ALPL: variants seen among roughly 807,000 people sequenced by gnomAD.
ALPL encodes the protein alkaline phosphatase, biomineralization associated.
ALPL carries 42 observed loss-of-function variants against 51.3 expected under a neutral mutation model. The ratio of observed to expected loss-of-function variants is 0.82; its 90% CI spans 0.64 to 1.06. The LOEUF (loss-of-function observed/expected upper bound fraction) is 1.06, where lower values mean the gene tolerates loss of function less well. Among genes scored for constraint, ALPL ranks in the 50% least tolerant of loss-of-function variants. ALPL has a pLI of 0.00. For synonymous variants in ALPL, 279 were observed against 296.4 expected, an observed-to-expected ratio of 0.94 and a Z score of 0.60; for missense variants, 589 against 709.4, an observed-to-expected ratio of 0.83 and a Z score of 1.93.
chr1:21,530,954 ATTTTTTTT>A (rs34079543), intron 1 of ALPL, among the ~76,000 whole-genome samples: 3 of 103,988 alleles, frequency 2.9e-5, no homozygotes, highest in Non-Finnish European at 3.7e-5. Flanking sequence ...ATCATTTTTG[ATTTTTTTT>A]TTTTTTTTTT....
chr1:21,568,110 A>G lies in ALPL; in HGVS notation c.655A>G (p.Met219Val), dbSNP rs772432010. 4 of 1,614,034 alleles carry G rather than the reference A, an allele frequency of 2.5e-6. No individual in the cohort carries two copies. In the East Asian group the frequency reaches 8.9e-5, roughly 36 times the overall value. ...MHNIRDIDVI[M>V]GGGRKYMYPK... The stretch of plus-strand genomic sequence containing the variant: ...TGGCTCCTGTCTCTTTTAGGTGATC[A>G]TGGGGGGTGGCCGGAAATACATGTA... Residue 219 changes from methionine (M) to valine (V), a missense_variant, in exon 7 of 12, where the codon ATG becomes GTG. Transcript: ENST00000374840.
At position 21,561,230 on chromosome 1, in the gene ALPL, G is replaced by T; in HGVS notation, c.297+18G>T. On this transcript the variant is annotated intron_variant, in intron 4 of 11. Coordinates refer to ENST00000374840, the MANE Select transcript of ALPL (RefSeq NM_000478.6). ...TCTCCAAGGTGAGCCCCATCCCCAAGCCCAGTTCAGGTCTGTATATCCAGT... is the reference window on the plus strand; with the variant it reads ...TCTCCAAGGTGAGCCCCATCCCCAATCCCAGTTCAGGTCTGTATATCCAGT... 6.3e-7 allele frequency: 1 copy of T among 1,582,848 alleles called. No homozygotes were observed. Among genetic ancestry groups the T allele is most frequent in the Non-Finnish European group, 8.6e-7 (1 of 1,161,138 alleles).
At chr1:21,511,682 G>A (rs555980886) in intron 1 of ALPL, among the ~76,000 whole-genome samples, 7 of 152,286 alleles carry the variant, frequency 4.6e-5, no homozygotes, top group South Asian at 2.1e-4. Flanking sequence ...GGCTGGGAGC[G>A]CAGAGCTCCA....
intron 1 of ALPL, among the ~76,000 whole-genome samples, chr1:21,546,385 C>G (rs1644253728): frequency 2.0e-5 from 3 of 152,110 alleles, no homozygotes; most frequent in South Asian, 4.1e-4. Flanking sequence ...TACCAGGAGA[C>G]AGGAAGTGTG....
chr1:21,538,385 C>T (rs534665441), intron 1 of ALPL, among the ~76,000 whole-genome samples: 1 of 152,334 alleles, frequency 6.6e-6, no homozygotes, highest in African/African-American at 2.4e-5. Flanking sequence ...CTGGAGCGTC[C>T]TCTGGGAATG....
chr1:21,534,075 C>T (rs550471455), intron 1 of ALPL, among the ~76,000 whole-genome samples: 52 of 152,120 alleles, frequency 3.4e-4, no homozygotes, highest in African/African-American at 1.2e-3. Context: ...GCCTAGACCT[C>T]CTGGGCTGAA....
intron 1 of ALPL, among the ~76,000 whole-genome samples, chr1:21,551,754 G>T (rs1467117523): frequency 2.5e-4 from 26 of 102,582 alleles, no homozygotes; most frequent in African/African-American, 8.0e-4. Context: ...TTGAGACAGA[G>T]TCTCGCTGTC....
At chr1:21,515,474 C>T (rs1176637857) in intron 1 of ALPL, among the ~76,000 whole-genome samples, 2 of 151,702 alleles carry the variant, frequency 1.3e-5, no homozygotes, top group African/African-American at 4.8e-5. Context: ...CTACAACCTC[C>T]GCCTCCCGGG....
intron 4 of ALPL, 122 bp from the exon 5 acceptor site, chr1:21,562,988 T>C (rs1644505589): frequency 1.5e-6 from 2 of 1,358,114 alleles, no homozygotes; most frequent in Non-Finnish European, 1.0e-6. Flanking sequence ...GTGGGCCTGG[T>C]CAAGGCTATG....
In ALPL at chr1:21,563,117, A is replaced by C. The variant is rs1005250117; in HGVS notation, c.305A>C (p.Asn102Thr). ...CTCCTCTCCCACCTGCAGACGTACA[A>C]CACCAATGCCCAGGTCCCTGACAGT... ...FPFVALSKTY[N>T]TNAQVPDSAG... is the part of the protein sequence containing the mutation. The change falls in exon 5 of 12, where the codon AAC becomes ACC. Residue 102 changes from asparagine (N) to threonine (T), a missense_variant. Coordinates refer to ENST00000374840, the MANE Select transcript of ALPL (RefSeq NM_000478.6). The C allele has an allele frequency of 1.2e-6, 2 of 1,613,602 alleles. No individual in the cohort carries two copies. The highest frequency in any genetic ancestry group is 2.2e-5 in the East Asian group (1 of 44,876).
intron 2 of ALPL, among the ~76,000 whole-genome samples, chr1:21,557,823 C>T (rs1282736817): frequency 1.3e-5 from 2 of 152,050 alleles, no homozygotes; most frequent in African/African-American, 4.8e-5. Context: ...ATATTTATAC[C>T]CATGTAACCG....
chr1:21,563,897 C>A, intron 5 of ALPL, 144 bp from the exon 6 acceptor site: 1 of 1,047,332 alleles, frequency 9.5e-7, no homozygotes. Flanking sequence ...ACACCTGCTG[C>A]TGTGGATGGG....
In ALPL at chr1:21,553,986, C is replaced by T. The variant is rs1001556010; in HGVS notation, c.-96C>T. The T allele has an allele frequency of 4.0e-6, 4 of 998,634 alleles. No homozygotes were observed. The highest frequency in any genetic ancestry group is 6.4e-6 in the Non-Finnish European group (4 of 620,726). 61.9% of individuals were successfully genotyped at this position (998,634 alleles called of 1,614,324 possible). ...CTTTTTTTAATTTCTAGGATTGGAA[C>T]ATCAGTTAACATCTGACCACTGCCA... On this transcript the variant is annotated 5_prime_UTR_variant, in exon 2 of 12. Coordinates refer to ENST00000374840, the MANE Select transcript of ALPL (RefSeq NM_000478.6).
At chr1:21,547,039 G>A (rs1328288078) in intron 1 of ALPL, among the ~76,000 whole-genome samples, 1 of 152,224 alleles carries the variant, frequency 6.6e-6, no homozygotes, top group East Asian at 1.9e-4. Context: ...TAGGTGCTTT[G>A]TCCACACTGG....
chr1:21,528,792 G>A (rs543891819), intron 1 of ALPL, among the ~76,000 whole-genome samples: 1 of 150,294 alleles, frequency 6.7e-6, no homozygotes, highest in African/African-American at 2.5e-5. Context: ...AGTCAGGGCC[G>A]GGCGTCGTGG....
intron 1 of ALPL, among the ~76,000 whole-genome samples, chr1:21,519,969 G>GGT (rs1321211558): frequency 6.6e-6 from 1 of 152,126 alleles, no homozygotes; most frequent in Non-Finnish European, 1.5e-5. Context: ...ACGCAGGAGT[G>GGT]GTGGCTCAGC....
chr1:21,530,187 A>ATGGC (rs1644009398), intron 1 of ALPL, among the ~76,000 whole-genome samples: 5 of 152,172 alleles, frequency 3.3e-5, no homozygotes, highest in African/African-American at 1.2e-4. Context: ...GGGAAAACGT[A>ATGGC]TGGCTCCTGG....
chr1:21,528,424 C>A (rs562035481), intron 1 of ALPL, among the ~76,000 whole-genome samples: 1 of 150,260 alleles, frequency 6.7e-6, no homozygotes, highest in African/African-American at 2.5e-5. Flanking sequence ...CTCAGCTCAC[C>A]GCAACCTCTG....
At chr1:21,572,878 C>T (rs1044310050) in intron 8 of ALPL, among the ~76,000 whole-genome samples, 3 of 152,126 alleles carry the variant, frequency 2.0e-5, no homozygotes, top group East Asian at 3.9e-4. Flanking sequence ...CACAGGCCAC[C>T]GTGCCCTTCA....
Sources: allele counts gnomAD v4.1 joint callset (sites outside exome capture counted in the v4.1 genomes callset), GRCh38; gene constraint gnomAD v4.1.1; transcripts MANE v1.5; gene names NCBI Gene and HGNC (gene_info 2026-07-23, HGNC 2026-07-21).